The following MCPH1 variants were observed in gnomAD, a reference collection of about 807,000 sequenced individuals.
MCPH1 encodes the protein microcephalin.
MCPH1 carries 104 observed loss-of-function variants against 84.5 expected under a neutral mutation model. That is an observed-to-expected ratio of 1.23 (90% CI 1.05 to 1.45). MCPH1 has a LOEUF of 1.45. MCPH1 is among the 40% of genes most tolerant of loss of function. The probability of loss-of-function intolerance (pLI) is 0.00; values close to 1 mark genes in which losing one functional copy is unlikely to be tolerated. For missense variants in MCPH1, 1,498 were observed against 1,005.7 expected, an observed-to-expected ratio of 1.49 and a Z score of -6.62; for synonymous variants, 514 against 366.8, an observed-to-expected ratio of 1.40 and a Z score of -4.58.
At chr8:6,533,257 C>T (rs1248710556) in intron 12 of MCPH1, among the ~76,000 whole-genome samples, 1 of 152,180 alleles carries the variant, frequency 6.6e-6, no homozygotes, top group Non-Finnish European at 1.5e-5. Context: ...AACTGAAACA[C>T]AAGAGAAGGA....
chr8:6,428,496 C>A (rs1308022343), intron 3 of MCPH1, among the ~76,000 whole-genome samples: 1 of 152,212 alleles, frequency 6.6e-6, no homozygotes, highest in Non-Finnish European at 1.5e-5. Flanking sequence ...CAAAATGAAA[C>A]TTGCACCCCT....
intron 9 of MCPH1, among the ~76,000 whole-genome samples, chr8:6,468,716 ACTGGTG>A (rs1215309462): frequency 6.6e-6 from 1 of 150,846 alleles, no homozygotes; most frequent in Non-Finnish European, 1.5e-5. Context: ...GAAAACTGAT[ACTGGTG>A]CTGTATGGAT....
rs955495395 is a variant in MCPH1 at position 6,644,079 on chromosome 8, A to G, written c.*1030A>G. On this transcript the variant is annotated 3_prime_UTR_variant, in exon 14 of 14. Coordinates refer to ENST00000344683, the MANE Select transcript of MCPH1 (RefSeq NM_024596.5). ...CAGCCTGACCAACGCAGCAAAACCC[A>G]TCTCTACTAAAAATACAAAAATCAG... The G allele has an allele frequency of 6.6e-6, 1 of 152,112 alleles. No homozygotes were observed. Among genetic ancestry groups the G allele is most frequent in the African/African-American group, 2.4e-5 (1 of 41,378 alleles). The allele number at this position is 152,112 out of a possible 1,614,324, so 9.4% of individuals were successfully genotyped here.
intron 8 of MCPH1, 29 bp from the exon 9 acceptor site, chr8:6,455,114 A>C (rs1805530818): frequency 6.4e-7 from 1 of 1,552,802 alleles, no homozygotes; most frequent in Non-Finnish European, 8.9e-7. Flanking sequence ...GTAAAGTTCT[A>C]ACTAATTTTT....
rs1242612681 is a variant in MCPH1 at position 6,647,802 on chromosome 8, T to C, written c.*4753T>C. On this transcript the variant is annotated 3_prime_UTR_variant, in exon 14 of 14. Coordinates refer to ENST00000344683, the MANE Select transcript of MCPH1 (RefSeq NM_024596.5). ...CAAACATTTTGGGATGATGGAAACA[T>C]TCTAAAACTGGATTGTGATTTTGGT... The C allele has an allele frequency of 6.6e-6, 1 of 152,218 alleles. No individual in the cohort carries two copies. Among genetic ancestry groups the C allele is most frequent in the African/African-American group, 2.4e-5 (1 of 41,448 alleles). The allele number at this position is 152,218 out of a possible 1,614,324, so 9.4% of individuals were successfully genotyped here.
intron 8 of MCPH1, among the ~76,000 whole-genome samples, chr8:6,453,179 C>G (rs1002481988): frequency 2.0e-5 from 3 of 152,184 alleles, no homozygotes; most frequent in African/African-American, 7.2e-5. Flanking sequence ...TGTTTACAGA[C>G]CTCCTGCCAA....
rs140618370 is a variant in MCPH1, at chr8:6,476,244, C to T, written c.1936-1350C>T. ...AGGAGTTGGAGACCAGCCTGGCCAA[C>T]ATGGTGGAACCCTGTCTCTACTAGA... On this transcript the variant is annotated intron_variant, in intron 9 of 13. Coordinates refer to ENST00000344683, the MANE Select transcript of MCPH1 (RefSeq NM_024596.5). Among the ~76,000 whole-genome samples, 364 of 152,140 alleles carry T rather than the reference C, an allele frequency of 2.4e-3. 4 individuals are homozygous for T. The highest frequency in any genetic ancestry group is 8.5e-3 in the African/African-American group (353 of 41,502).
At chr8:6,469,098 T>C (rs1807376842) in intron 9 of MCPH1, among the ~76,000 whole-genome samples, 2 of 152,044 alleles carry the variant, frequency 1.3e-5, no homozygotes, top group South Asian at 4.2e-4. Flanking sequence ...TAGGGAGGCT[T>C]GAGACCAGGA....
At chr8:6,491,642 C>CT (rs1563281444) in intron 11 of MCPH1, among the ~76,000 whole-genome samples, 1 of 152,060 alleles carries the variant, frequency 6.6e-6, no homozygotes, top group Admixed American at 6.5e-5. Flanking sequence ...GACCCCACAA[C>CT]AGGCCCTGGT....
chr8:6,528,942 ATAT>A (rs1586393243), intron 12 of MCPH1, among the ~76,000 whole-genome samples: 1 of 152,210 alleles, frequency 6.6e-6, no homozygotes, highest in South Asian at 2.1e-4. Flanking sequence ...TTGGGTTTTA[ATAT>A]TAACACCTGG....
intron 6 of MCPH1, among the ~76,000 whole-genome samples, 166 bp downstream of exon 6, chr8:6,439,262 G>A (rs915150096): frequency 6.6e-6 from 1 of 151,848 alleles, no homozygotes; most frequent in African/African-American, 2.4e-5. Flanking sequence ...GCATCATTAA[G>A]ATTTTTGAAG....
intron 13 of MCPH1, chr8:6,625,633 C>T (rs1831994108): frequency 3.0e-6 from 3 of 985,250 alleles, no homozygotes; most frequent in African/African-American, 1.7e-5. Context: ...GGTCCCTGAG[C>T]GTCTTAGAGT....
At chr8:6,458,480 A>G (rs1805936095) in intron 9 of MCPH1, among the ~76,000 whole-genome samples, 1 of 132,520 alleles carries the variant, frequency 7.5e-6, no homozygotes, top group Non-Finnish European at 1.5e-5. Context: ...TCAAAAAAAA[A>G]AAAAAAGAAA....
At chr8:6,547,796 G>T (rs911806876) in intron 12 of MCPH1, among the ~76,000 whole-genome samples, 1 of 152,122 alleles carries the variant, frequency 6.6e-6, no homozygotes, top group Non-Finnish European at 1.5e-5. Context: ...GGAATGCGGG[G>T]CCAGGGGAGC....
intron 12 of MCPH1, among the ~76,000 whole-genome samples, chr8:6,607,593 C>A (rs565284424): frequency 4.6e-5 from 7 of 152,164 alleles, no homozygotes; most frequent in African/African-American, 1.7e-4. Context: ...AATTGTAGCT[C>A]CCTCAATTCC....
chr8:6,480,241 C>T (rs539633760), intron 10 of MCPH1, among the ~76,000 whole-genome samples: 15 of 152,136 alleles, frequency 9.9e-5, no homozygotes, highest in Admixed American at 6.5e-5. Flanking sequence ...CTGTCTGCCT[C>T]AGCCTCCTGA....
intron 12 of MCPH1, among the ~76,000 whole-genome samples, chr8:6,533,569 C>CTTTTTTTTTT (rs56882906): frequency 8.8e-6 from 1 of 113,350 alleles, no homozygotes; most frequent in Non-Finnish European, 1.7e-5. Flanking sequence ...CGTTTAGTTT[C>CTTTTTTTTTT]TTTTTTTTTT....
chr8:6,620,483 C>T (rs1258130033), intron 12 of MCPH1, among the ~76,000 whole-genome samples: 2 of 152,160 alleles, frequency 1.3e-5, no homozygotes, highest in African/African-American at 4.8e-5. Context: ...TCAGCCTTGC[C>T]TGCTGCCCCT....
intron 1 of MCPH1, among the ~76,000 whole-genome samples, chr8:6,408,508 T>C (rs1270126967): frequency 6.6e-6 from 1 of 151,792 alleles, no homozygotes; most frequent in East Asian, 1.9e-4. Flanking sequence ...AGGCATGAGC[T>C]ACTTTGTTCA....
Sources: gnomAD v4.1 joint callset for allele counts (sites outside exome capture counted in the v4.1 genomes callset) on GRCh38, gnomAD v4.1.1 for gene constraint, MANE v1.5 for transcripts, NCBI Gene and HGNC (gene_info 2026-07-23, HGNC 2026-07-21) for gene names.